Variants in SLCO5A1 observed in about 807,000 individuals in gnomAD.
SLCO5A1 encodes solute carrier organic anion transporter family member 5A1, also known as organic anion transporter polypeptide-related protein 4.
In SLCO5A1, 39 loss-of-function variants were observed where a neutral mutation model predicts 65.1. That is an observed-to-expected ratio of 0.60 (90% CI 0.46 to 0.78). The LOEUF is 0.78. SLCO5A1 is among the 30% of genes least tolerant of loss of function. The probability of loss-of-function intolerance (pLI) is 0.00; values close to 1 mark genes in which losing one functional copy is unlikely to be tolerated. For synonymous variants in SLCO5A1, 438 were observed against 415.7 expected, an observed-to-expected ratio of 1.05 and a Z score of -0.65; for missense variants, 1,029 against 1,069.4, an observed-to-expected ratio of 0.96 and a Z score of 0.53.
chr8:69,769,622 T>C (rs1044323533), intron 2 of SLCO5A1, among the ~76,000 whole-genome samples: 3 of 152,242 alleles, frequency 2.0e-5, no homozygotes, highest in Non-Finnish European at 4.4e-5. Flanking sequence ...ATAACATACA[T>C]ACATTATTTA....
chr8:69,691,571 C>G (rs112719588), intron 6 of SLCO5A1, among the ~76,000 whole-genome samples: 2,398 of 152,276 alleles, frequency 0.016, 59 homozygotes, highest in African/African-American at 0.055. Context: ...CTTTTAGATA[C>G]CTCATGTAAG....
At chr8:69,674,565 A>G (rs1286029937) in intron 9 of SLCO5A1, among the ~76,000 whole-genome samples, 1 of 152,178 alleles carries the variant, frequency 6.6e-6, no homozygotes, top group Non-Finnish European at 1.5e-5. Context: ...CAATCCATAG[A>G]AGTTAAAATA....
chr8:69,762,218 G>T (rs1426810754), intron 2 of SLCO5A1, among the ~76,000 whole-genome samples: 4 of 141,570 alleles, frequency 2.8e-5, no homozygotes, highest in African/African-American at 1.1e-4. Context: ...ACAGAGTCTT[G>T]CTCTGTCACC....
Position 69,672,963 on chromosome 8 carries a change from G to A in SLCO5A1, c.2453C>T (p.Ala818Val), listed in dbSNP as rs1304062028. 1 of 1,614,228 alleles carries A rather than the reference G, an allele frequency of 6.2e-7. No individual in the cohort carries two copies. Among genetic ancestry groups the A allele is most frequent in the African/African-American group, 1.3e-5 (1 of 75,080 alleles). Reference sequence around the variant, plus strand: ...TGGGAAGGGCCCCGGGTAGGTCTGTGCTGCGCACTGGATCCCTTTTTGCAG... The same window carrying A: ...TGGGAAGGGCCCCGGGTAGGTCTGTACTGCGCACTGGATCCCTTTTTGCAG... Reference protein sequence around the residue: ...TGLQKGIQCAAQTYPGPFPEA... With the variant: ...TGLQKGIQCAVQTYPGPFPEA... The change falls in exon 10 of 10, where the codon GCA (alanine) becomes GTA (valine). Residue 818 changes from alanine to valine, a missense_variant. Coordinates refer to ENST00000260126, the MANE Select transcript of SLCO5A1 (RefSeq NM_030958.3).
rs186530924 is a variant in SLCO5A1 at position 69,814,430 on chromosome 8, T to G, written c.907+17337A>C. Reference sequence around the variant, plus strand: ...CAGACATGAAAAGAATGCTTAATATTGCAAAGAATTAGGGAAATGCAAATT... The same window carrying G: ...CAGACATGAAAAGAATGCTTAATATGGCAAAGAATTAGGGAAATGCAAATT... On this transcript the variant is annotated intron_variant, in intron 2 of 9. Transcript: ENST00000260126. Among the ~76,000 whole-genome samples the G allele has an allele frequency of 3.3e-5, 5 of 152,098 alleles. No individual in the cohort carries two copies. In the East Asian group the frequency reaches 9.7e-4, roughly 29 times the overall value.
intron 2 of SLCO5A1, among the ~76,000 whole-genome samples, chr8:69,765,553 CTCAT>C (rs1371918549): frequency 6.6e-6 from 1 of 152,116 alleles, no homozygotes; most frequent in Non-Finnish European, 1.5e-5. Context: ...ACCAATGGTT[CTCAT>C]TCAGAGCTTA....
rs1410891081 is a variant in SLCO5A1 at position 69,667,321 on chromosome 8, TA to T, written c.*5547del. 4.6e-5 allele frequency: 7 copies of T among 151,822 alleles called. No individual in the cohort carries two copies. Among genetic ancestry groups the T allele is most frequent in the Non-Finnish European group, 8.8e-5 (6 of 67,896 alleles). The allele number at this position is 151,822 out of a possible 1,614,324, so 9.4% of individuals were successfully genotyped here. On this transcript the variant is annotated 3_prime_UTR_variant, in exon 10 of 10. Coordinates refer to ENST00000260126, the MANE Select transcript of SLCO5A1 (RefSeq NM_030958.3). ...ACACACACACAAACACACACTCCAC[TA>T]AGAACCTAATGCCAGTTTAGTTGAC...
intron 6 of SLCO5A1, among the ~76,000 whole-genome samples, chr8:69,686,960 A>G (rs905733897): frequency 1.3e-5 from 2 of 152,192 alleles, no homozygotes; most frequent in African/African-American, 4.8e-5. Context: ...TCAGTATCAC[A>G]CAGTCGTTGT....
At chr8:69,680,384 T>C (rs1375282110) in intron 7 of SLCO5A1, among the ~76,000 whole-genome samples, 1 of 152,176 alleles carries the variant, frequency 6.6e-6, no homozygotes, top group Non-Finnish European at 1.5e-5. Flanking sequence ...GAACATGCGG[T>C]ATTTGGTTTT....
At chr8:69,790,666 GA>G (rs1362691004) in intron 2 of SLCO5A1, among the ~76,000 whole-genome samples, 2 of 151,918 alleles carry the variant, frequency 1.3e-5, no homozygotes, top group Non-Finnish European at 2.9e-5. Context: ...TAAAAAAAAA[GA>G]ATAATAATTG....
At chr8:69,803,549 C>A (rs191292343) in intron 2 of SLCO5A1, among the ~76,000 whole-genome samples, 1 of 152,108 alleles carries the variant, frequency 6.6e-6, no homozygotes, top group Non-Finnish European at 1.5e-5. Context: ...CAAAAAAACA[C>A]GGAGCCTTGT....
intron 3 of SLCO5A1, 101 bp from the exon 4 acceptor site, chr8:69,755,742 A>G: frequency 9.9e-7 from 1 of 1,012,254 alleles, no homozygotes. Flanking sequence ...TTTGAAGAAA[A>G]CTTTTTGTAA....
intron 5 of SLCO5A1, among the ~76,000 whole-genome samples, chr8:69,729,844 A>G (rs1816256396): frequency 6.6e-6 from 1 of 152,150 alleles, no homozygotes. Flanking sequence ...ACCTCTTACC[A>G]TTTTATATGA....
chr8:69,821,758 A>G (rs1421976674), intron 2 of SLCO5A1, among the ~76,000 whole-genome samples: 1 of 151,624 alleles, frequency 6.6e-6, no homozygotes, highest in Non-Finnish European at 1.5e-5. Flanking sequence ...GTGAGCCATA[A>G]TTACACCACT....
At position 69,705,019 on chromosome 8, in the gene SLCO5A1, A is replaced by C; in HGVS notation, c.1622+12T>G. On this transcript the variant is annotated intron_variant, in intron 6 of 9. Coordinates refer to ENST00000260126, the MANE Select transcript of SLCO5A1 (RefSeq NM_030958.3). ...TCGTGCAGACACGACACGGCTCTTA[A>C]GAGGTACTTACCCTGTTGTATAAGG... 6.2e-7 allele frequency: 1 copy of C among 1,607,800 alleles called. No individual in the cohort carries two copies.
At chr8:69,756,454 C>T (rs1482169298) in intron 3 of SLCO5A1, among the ~76,000 whole-genome samples, 1 of 152,132 alleles carries the variant, frequency 6.6e-6, no homozygotes, top group Non-Finnish European at 1.5e-5. Context: ...CTGGCCTTCA[C>T]AATACTTCAC....
chr8:69,672,892 C>T lies in SLCO5A1; in HGVS notation c.2524G>A (p.Ala842Thr). The change falls in exon 10 of 10, where the codon GCT becomes ACT. Residue 842 changes from alanine (A) to threonine (T), a missense_variant. This residue lies in a region of SLCO5A1 where 258 missense variants were observed against 237.4 expected (regional missense o/e 1.09). Transcript: ENST00000260126. The part of the protein sequence containing the change: ...SADPGLEESP[A>T]ALEPPS ...CTTCAGGAGGGCGGCTCCAAGGCAG[C>T]GGGGCTCTCTTCCAGCCCCGGGTCC... 1 of 1,612,364 alleles carries T rather than the reference C, an allele frequency of 6.2e-7. No homozygotes were observed. The highest frequency in any genetic ancestry group is 8.5e-7 in the Non-Finnish European group (1 of 1,178,566).
At chr8:69,724,887 T>A (rs1157298489) in intron 5 of SLCO5A1, among the ~76,000 whole-genome samples, 1 of 152,148 alleles carries the variant, frequency 6.6e-6, no homozygotes, top group Non-Finnish European at 1.5e-5. Flanking sequence ...GATGCTTGAA[T>A]TCACACCTGT....
chr8:69,792,384 A>T (rs1023498963), intron 2 of SLCO5A1, among the ~76,000 whole-genome samples: 1 of 152,178 alleles, frequency 6.6e-6, no homozygotes, highest in Admixed American at 6.5e-5. Context: ...AAAGACCGTA[A>T]ATAAGGTAAG....
Sources: allele counts gnomAD v4.1 joint callset (sites outside exome capture counted in the v4.1 genomes callset), GRCh38; gene constraint gnomAD v4.1.1; regional missense constraint gnomAD v4.1.1; transcripts MANE v1.5; gene names NCBI Gene and HGNC (gene_info 2026-07-23, HGNC 2026-07-21).